PPIL1: variants seen among roughly 807,000 people sequenced by gnomAD.
PPIL1 encodes the protein peptidyl-prolyl cis-trans isomerase-like 1.
Under a neutral mutation model 19.4 loss-of-function variants are expected in PPIL1, and 14 were observed. The observed-to-expected ratio is 0.72, with a 90% CI of 0.48 to 1.13. The LOEUF is 1.13. Ranked by LOEUF, PPIL1 falls within the 50% of genes most tolerant of loss-of-function variation. The pLI, the probability that PPIL1 is intolerant of heterozygous loss-of-function variation, is 0.00. For synonymous variants in PPIL1, 72 were observed against 73.6 expected (o/e 0.98, Z 0.11); for missense variants, 192 against 218.0 (o/e 0.88, Z 0.75).
intron 1 of PPIL1, 127 bp downstream of exon 1, chr6:36,874,590 G>C: frequency 3.1e-6 from 4 of 1,301,856 alleles, no homozygotes; most frequent in South Asian, 1.2e-5. Flanking sequence ...GGGCCGTCTC[G>C]GCCGCTGCTC....
intron 2 of PPIL1, among the ~76,000 whole-genome samples, chr6:36,857,587 T>G (rs966055362): frequency 2.0e-5 from 3 of 152,022 alleles, no homozygotes; most frequent in Non-Finnish European, 4.4e-5. Context: ...AGTGCTGGGA[T>G]TATAGGCGTG....
intron 2 of PPIL1, among the ~76,000 whole-genome samples, chr6:36,860,175 T>C (rs1163850399): frequency 2.6e-5 from 4 of 151,894 alleles, no homozygotes; most frequent in African/African-American, 7.3e-5. Flanking sequence ...ACCTTCAAGA[T>C]TCTTTTCTGG....
At chr6:36,869,443 C>G (rs1774463186) in intron 2 of PPIL1, among the ~76,000 whole-genome samples, 2 of 152,094 alleles carry the variant, frequency 1.3e-5, no homozygotes, top group Admixed American at 6.5e-5. Flanking sequence ...GCTGAGCATG[C>G]CAACATGCTA....
At chr6:36,871,314 T>C (rs1294289216) in intron 2 of PPIL1, among the ~76,000 whole-genome samples, 2 of 152,228 alleles carry the variant, frequency 1.3e-5, no homozygotes, top group Non-Finnish European at 2.9e-5. Context: ...ACAAAACAGG[T>C]ACTCAGTATT....
intron 1 of PPIL1, among the ~76,000 whole-genome samples, chr6:36,874,383 T>A (rs578136640): frequency 6.6e-6 from 1 of 152,364 alleles, no homozygotes; most frequent in East Asian, 1.9e-4. Context: ...TGTCTGTGTT[T>A]TATCTACCTC....
chr6:36,857,594 C>T (rs972443679), intron 2 of PPIL1, among the ~76,000 whole-genome samples: 1 of 152,050 alleles, frequency 6.6e-6, no homozygotes, highest in Admixed American at 6.5e-5. Context: ...GGATTATAGG[C>T]GTGAACCACT....
intron 3 of PPIL1, 32 bp from the exon 4 acceptor site, chr6:36,856,065 T>C: frequency 6.3e-7 from 1 of 1,596,216 alleles, no homozygotes; most frequent in Non-Finnish European, 8.6e-7. Context: ...GGAAAGAGTA[T>C]AAATAACCCC....
chr6:36,872,982 A>G (rs1359289540), intron 1 of PPIL1, among the ~76,000 whole-genome samples: 1 of 152,224 alleles, frequency 6.6e-6, no homozygotes, highest in Non-Finnish European at 1.5e-5. Flanking sequence ...CTCTATAAGT[A>G]TATGAGGAGT....
chr6:36,856,502 C>T (rs1282267376), intron 3 of PPIL1, 84 bp downstream of exon 3: 1 of 1,256,024 alleles, frequency 8.0e-7, no homozygotes, highest in African/African-American at 1.5e-5. Flanking sequence ...GCCACGGTGT[C>T]AGGCATTCAC....
At chr6:36,871,016 C>T (rs1226007663) in intron 2 of PPIL1, among the ~76,000 whole-genome samples, 1 of 152,174 alleles carries the variant, frequency 6.6e-6, no homozygotes. Flanking sequence ...CAGAATAAAA[C>T]CCAGTCTCTA....
At chr6:36,869,172 C>T (rs773579441) in intron 2 of PPIL1, among the ~76,000 whole-genome samples, 4 of 151,898 alleles carry the variant, frequency 2.6e-5, no homozygotes, top group South Asian at 2.1e-4. Context: ...TTTGTAGAGA[C>T]GGGGTCTCAC....
At chr6:36,874,432 G>A (rs1051330309) in intron 1 of PPIL1, among the ~76,000 whole-genome samples, 1 of 152,170 alleles carries the variant, frequency 6.6e-6, no homozygotes, top group Non-Finnish European at 1.5e-5. Flanking sequence ...CCTGGCTTGC[G>A]GACTCATTAC....
At position 36,855,833 on chromosome 6, in the gene PPIL1, T is replaced by G. The variant is rs767709604; in HGVS notation, c.481A>C (p.Lys161Gln). Residue 161 changes from lysine (K) to glutamine (Q), a missense_variant, in exon 4 of 4, where the codon AAG becomes CAG. Lys to Gln is a moderately conservative substitution (Grantham distance 53, BLOSUM62 1). Transcript: ENST00000373699. ...DRPVDDVKII[K>Q]AYPSG ...CAAGTCTACCCAGAAGGGTATGCCT[T>G]AATGATCTTCACGTCGTCCACAGGG... 3.7e-6 allele frequency: 6 copies of G among 1,614,202 alleles called. No homozygotes were observed. In the Middle Eastern group the frequency reaches 8.2e-4, roughly 222 times the overall value.
chr6:36,860,615 C>T (rs1774265679), intron 2 of PPIL1, among the ~76,000 whole-genome samples: 1 of 152,014 alleles, frequency 6.6e-6, no homozygotes, highest in Admixed American at 6.6e-5. Context: ...CCCATGCATA[C>T]ACCCCACTGC....
intron 1 of PPIL1, among the ~76,000 whole-genome samples, chr6:36,872,406 T>C (rs1223087855): frequency 6.6e-6 from 1 of 152,150 alleles, no homozygotes; most frequent in African/African-American, 2.4e-5. Context: ...TCAAAAAATT[T>C]CAATAAAAGG....
At chr6:36,856,505 G>T in intron 3 of PPIL1, 81 bp downstream of exon 3, 1 of 1,281,746 alleles carries the variant, frequency 7.8e-7, no homozygotes. Context: ...ACGGTGTCAG[G>T]CATTCACCTT....
At chr6:36,859,254 A>G (rs1388852731) in intron 2 of PPIL1, among the ~76,000 whole-genome samples, 1 of 151,922 alleles carries the variant, frequency 6.6e-6, no homozygotes, top group Non-Finnish European at 1.5e-5. Flanking sequence ...GTGAAACCCC[A>G]TCACTAATAA....
At chr6:36,864,028 C>G (rs1484676238) in intron 2 of PPIL1, among the ~76,000 whole-genome samples, 2 of 151,938 alleles carry the variant, frequency 1.3e-5, no homozygotes, top group South Asian at 2.1e-4. Flanking sequence ...CAATAAACCT[C>G]TATCTTGGTG....
At chr6:36,862,355 C>A (rs1313839409) in intron 2 of PPIL1, among the ~76,000 whole-genome samples, 1 of 135,024 alleles carries the variant, frequency 7.4e-6, no homozygotes, top group Non-Finnish European at 1.7e-5. Context: ...CATCCCCAGC[C>A]TCCTCCTCCA....
Sources: allele counts gnomAD v4.1 joint callset (sites outside exome capture counted in the v4.1 genomes callset), GRCh38; gene constraint gnomAD v4.1.1; transcripts MANE v1.5; gene names NCBI Gene and HGNC (gene_info 2026-07-23, HGNC 2026-07-21).